PAPSS2: variants seen among roughly 807,000 people sequenced by gnomAD.
The protein encoded by PAPSS2 is bifunctional 3'-phosphoadenosine 5'-phosphosulfate synthase 2.
In PAPSS2, 61 loss-of-function variants were observed where a neutral mutation model predicts 66.5. That is an observed-to-expected ratio of 0.92 (90% CI 0.75 to 1.14). The LOEUF (loss-of-function observed/expected upper bound fraction) is 1.14. PAPSS2 is among the 50% of genes most tolerant of loss of function. The pLI is 0.00. For missense variants in PAPSS2, 708 were observed against 789.6 expected (o/e 0.90, Z 1.24); for synonymous variants, 289 against 287.5 (o/e 1.01, Z -0.05).
rs1336251571 is a variant in PAPSS2 at position 87,745,975 on chromosome 10, T to A, written c.*5T>A. 1 of 1,613,982 alleles carries A rather than the reference T, an allele frequency of 6.2e-7. No homozygotes were observed. Among genetic ancestry groups the A allele is most frequent in the Admixed American group, 1.7e-5 (1 of 60,022 alleles). On this transcript the variant is annotated 3_prime_UTR_variant, in exon 13 of 13. Coordinates refer to ENST00000456849, the MANE Select transcript of PAPSS2 (RefSeq NM_001015880.2). ...AGGTCCCTGGAGAAGAACTAAGCCT[T>A]TGGCTCCAGAGTTTCTTTCTGAAGT... is the stretch of plus-strand genomic sequence containing the variant.
chr10:87,667,733 A>G (rs1027008076), intron 1 of PAPSS2, among the ~76,000 whole-genome samples: 3 of 152,240 alleles, frequency 2.0e-5, no homozygotes, highest in African/African-American at 7.2e-5. Context: ...TCTGTATACC[A>G]TCAAATATTA....
intron 11 of PAPSS2, among the ~76,000 whole-genome samples, chr10:87,743,870 C>T (rs554841784): frequency 2.2e-4 from 33 of 152,168 alleles, no homozygotes; most frequent in African/African-American, 7.2e-4. Context: ...TTTGGGAGGC[C>T]GAGGTGGGCA....
chr10:87,689,621 C>T (rs1165183211), intron 1 of PAPSS2, among the ~76,000 whole-genome samples: 2 of 140,684 alleles, frequency 1.4e-5, no homozygotes, highest in Admixed American at 7.5e-5. Context: ...GAGCCGAGAT[C>T]GTGCCATTGC....
chr10:87,732,586 A>AGACT (rs1853743230), intron 9 of PAPSS2, among the ~76,000 whole-genome samples: 1 of 152,222 alleles, frequency 6.6e-6, no homozygotes, highest in African/African-American at 2.4e-5. Context: ...CACACTTCAT[A>AGACT]GACTACAGTA....
At chr10:87,683,383 T>C (rs1031728659) in intron 1 of PAPSS2, among the ~76,000 whole-genome samples, 1 of 152,160 alleles carries the variant, frequency 6.6e-6, no homozygotes, top group African/African-American at 2.4e-5. Context: ...AGTGTTAGGA[T>C]TACAGGCGTG....
chr10:87,677,302 GT>G (rs1223009518), intron 1 of PAPSS2, among the ~76,000 whole-genome samples: 1 of 152,048 alleles, frequency 6.6e-6, no homozygotes, highest in African/African-American at 2.4e-5. Context: ...TTACAGTTGT[GT>G]TTTTTTAAAG....
At chr10:87,742,485 T>C (rs1186213995) in intron 10 of PAPSS2, among the ~76,000 whole-genome samples, 1 of 152,212 alleles carries the variant, frequency 6.6e-6, no homozygotes, top group African/African-American at 2.4e-5. Flanking sequence ...GTGATTTTTA[T>C]ATTCTATTTT....
rs1477775624 is a variant in PAPSS2 at position 87,747,012 on chromosome 10, AG to A, written c.*1044del. On this transcript the variant is annotated 3_prime_UTR_variant, in exon 13 of 13. Transcript: ENST00000456849. The stretch of plus-strand genomic sequence containing the variant: ...TGCTGGTGGCAGTGAAGAAGCACCC[AG>A]GCCACTTGACTCCCAGTCTGGTGCC... The A allele has an allele frequency of 1.3e-5, 2 of 152,202 alleles. No individual in the cohort carries two copies. Among genetic ancestry groups the A allele is most frequent in the Admixed American group, 6.5e-5 (1 of 15,274 alleles). The allele number at this position is 152,202 out of a possible 1,614,324, so 9.4% of individuals were successfully genotyped here.
At chr10:87,660,672 T>C (rs1852738912) in intron 1 of PAPSS2, among the ~76,000 whole-genome samples, 1 of 152,116 alleles carries the variant, frequency 6.6e-6, no homozygotes, top group African/African-American at 2.4e-5. Flanking sequence ...TAATCTGAGC[T>C]GTCCTCCTTT....
chr10:87,725,884 T>TACACACACACACACACACAC (rs60791274), intron 8 of PAPSS2, among the ~76,000 whole-genome samples: 2,861 of 140,362 alleles, frequency 0.02, 44 homozygotes, highest in East Asian at 0.045. Context: ...TATGTGTGTA[T>TACACACACACACACACACAC]ACACACACAC....
chr10:87,747,355 TAGAA>T lies in PAPSS2; in HGVS notation c.*1389_*1392del, dbSNP rs1410594283. On this transcript the variant is annotated 3_prime_UTR_variant, in exon 13 of 13. Transcript: ENST00000456849. ...AGGTCTCTCTGGAAGAGACCTAAATTAGAAAGAGAAAACTGTGACAATTTTCATA... is the reference window on the plus strand; with the variant it reads ...AGGTCTCTCTGGAAGAGACCTAAATTAGAGAAAACTGTGACAATTTTCATA... 3 of 152,164 alleles carry T rather than the reference TAGAA, an allele frequency of 2.0e-5. No individual in the cohort carries two copies. Among genetic ancestry groups the T allele is most frequent in the Admixed American group, 1.3e-4 (2 of 15,276 alleles). 9.4% of individuals were successfully genotyped at this position (152,164 alleles called of 1,614,324 possible).
At chr10:87,679,258 T>C (rs1852986836) in intron 1 of PAPSS2, among the ~76,000 whole-genome samples, 1 of 152,110 alleles carries the variant, frequency 6.6e-6, no homozygotes, top group African/African-American at 2.4e-5. Context: ...AGTAGAATGA[T>C]ACATACTAGA....
At chr10:87,741,199 A>G (rs1853863795) in intron 9 of PAPSS2, 36 bp from the exon 10 acceptor site, 13 of 1,609,314 alleles carry the variant, frequency 8.1e-6, no homozygotes, top group Middle Eastern at 1.6e-4. Flanking sequence ...AGAAATCACA[A>G]TTAATCATTA....
At chr10:87,674,687 A>C (rs1470286716) in intron 1 of PAPSS2, among the ~76,000 whole-genome samples, 1 of 152,226 alleles carries the variant, frequency 6.6e-6, no homozygotes, top group African/African-American at 2.4e-5. Context: ...AAGAGTTATA[A>C]AAATACTTCA....
chr10:87,663,958 G>A (rs1363815873), intron 1 of PAPSS2, among the ~76,000 whole-genome samples: 1 of 152,190 alleles, frequency 6.6e-6, no homozygotes, highest in Non-Finnish European at 1.5e-5. Context: ...ACAGGCTGGA[G>A]TGCAGTGCTG....
At chr10:87,735,733 C>A (rs1853790008) in intron 9 of PAPSS2, among the ~76,000 whole-genome samples, 1 of 152,290 alleles carries the variant, frequency 6.6e-6, no homozygotes, top group South Asian at 2.1e-4. Context: ...TTAGTAGCAT[C>A]CCTAGCCTCT....
In PAPSS2 at chr10:87,715,743, G is replaced by C; in HGVS notation, c.765G>C (p.Gln255His). The C allele has an allele frequency of 6.2e-7, 1 of 1,611,380 alleles. No individual in the cohort carries two copies. Among genetic ancestry groups the C allele is most frequent in the Non-Finnish European group, 8.5e-7 (1 of 1,177,526 alleles). ...PSLSITKLDL[Q>H]WVQVLSEGWA... The stretch of plus-strand genomic sequence containing the variant: ...TTTGTGTTTTGCAGCTGGATCTCCA[G>C]TGGGTCCAGGTTTTGAGCGAAGGCT... The change falls in exon 7 of 13, where the codon CAG becomes CAC. Residue 255 changes from glutamine to histidine, a missense_variant. Transcript: ENST00000456849.
At chr10:87,715,312 A>C (rs144216353) in intron 6 of PAPSS2, among the ~76,000 whole-genome samples, 3 of 152,352 alleles carry the variant, frequency 2.0e-5, no homozygotes, top group Non-Finnish European at 4.4e-5. Context: ...CCATGTATGG[A>C]GGTGACTGGG....
In PAPSS2 at chr10:87,727,327, T is replaced by C; in HGVS notation, c.924T>C (p.Ser308=). 1 of 1,613,982 alleles carries C rather than the reference T, an allele frequency of 6.2e-7. No homozygotes were observed. The highest frequency in any genetic ancestry group is 8.5e-7 in the Non-Finnish European group (1 of 1,180,002). ...GCATCCCCATTGTACTGCCCGTCTC[T>C]GCAGAGGATAAGACACGGCTGGAAG... ...NMSIPIVLPV[S]AEDKTRLEGC... is the part of the protein sequence containing the mutation. The change falls in exon 9 of 13, where the codon TCT becomes TCC. Residue 308 remains serine (S), a synonymous_variant. Transcript: ENST00000456849.
Sources: allele counts gnomAD v4.1 joint callset (sites outside exome capture counted in the v4.1 genomes callset), GRCh38; gene constraint gnomAD v4.1.1; transcripts MANE v1.5; gene names NCBI Gene and HGNC (gene_info 2026-07-23, HGNC 2026-07-21).